The following DNAH12 variants were observed in gnomAD, a reference collection of about 807,000 sequenced individuals.
The protein encoded by DNAH12 is axonemal beta dynein heavy chain 12.
Under a neutral mutation model 371.5 loss-of-function variants are expected in DNAH12, and 285 were observed. The ratio of observed to expected loss-of-function variants is 0.77; its 90% CI spans 0.70 to 0.85. DNAH12 has a LOEUF of 0.85. Among genes scored for constraint, DNAH12 ranks in the 40% least tolerant of loss-of-function variants. The pLI is 0.00. For missense variants in DNAH12, 3,611 were observed against 3,689.4 expected (o/e 0.98, Z 0.55); for synonymous variants, 1,200 against 1,213.0 (o/e 0.99, Z 0.22).
the DNAH12 span, among the ~76,000 whole-genome samples, chr3:57,555,626 T>C: frequency 2.0e-5 from 3 of 152,224 alleles, no homozygotes; most frequent in Non-Finnish European, 4.4e-5. Context: ...GCAGGTAATA[T>C]CTCGGGACTC....
chr3:57,304,773 T>C (rs2061434339), intron 69 of DNAH12, among the ~76,000 whole-genome samples: 1 of 152,066 alleles, frequency 6.6e-6, no homozygotes, highest in Admixed American at 6.6e-5. Flanking sequence ...TCTCCGTGTC[T>C]CTACACCTTT....
chr3:57,411,057 G>C (rs868976857), intron 39 of DNAH12, among the ~76,000 whole-genome samples: 10 of 152,138 alleles, frequency 6.6e-5, no homozygotes, highest in Non-Finnish European at 1.5e-4. Context: ...TGGGAAGAAA[G>C]GAATGAAACT....
At position 57,384,833 on chromosome 3, in the gene DNAH12, A is replaced by C. The variant is rs2063469838; in HGVS notation, c.7856T>G (p.Leu2619Arg). 6.6e-6 allele frequency: 1 copy of C among 152,196 alleles called. No homozygotes were observed. The highest frequency in any genetic ancestry group is 6.5e-5 in the Admixed American group (1 of 15,280). The allele number at this position is 152,196 out of a possible 1,614,324, so 9.4% of individuals were successfully genotyped here. A position where few individuals can be genotyped will look rare whatever the true frequency, so the allele number is the denominator to read the frequency against. Residue 2619 changes from leucine to arginine, a missense_variant, in exon 49 of 74, where the codon CTT becomes CGT. Coordinates refer to ENST00000495027, the MANE Select transcript of DNAH12 (RefSeq NM_001366028.2). Reference sequence around the variant, plus strand: ...GTAGCTAATTCAAACACTTGCCTTAAGTGTATCCAGTGCAGACAGAGCTGC... The same window carrying C: ...GTAGCTAATTCAAACACTTGCCTTACGTGTATCCAGTGCAGACAGAGCTGC... ...LEAALSALDTLKPADITIVKS... is the reference protein window; with the variant it reads ...LEAALSALDTRKPADITIVKS...
chr3:57,467,551 C>A (rs534553811), intron 17 of DNAH12, among the ~76,000 whole-genome samples: 1 of 152,258 alleles, frequency 6.6e-6, no homozygotes, highest in East Asian at 1.9e-4. Context: ...TATAACCTCA[C>A]TTCAAAGTTT....
chr3:57,428,633 C>T lies in DNAH12; in HGVS notation c.5253G>A (p.Lys1751=). ...PSLNQRKKKC[K]ELIPTSNSNV... ...ATAGGTCAGAGAATTATAGGATTAC[C>T]TTGCATTTTTTCTTACGCTGGTTTA... The change falls in exon 34 of 74, where the codon AAG becomes AAA. Residue 1751 remains lysine (K), a splice_region_variant and synonymous_variant. Transcript: ENST00000495027. 6.5e-7 allele frequency: 1 copy of T among 1,528,396 alleles called. No individual in the cohort carries two copies. The highest frequency in any genetic ancestry group is 8.8e-7 in the Non-Finnish European group (1 of 1,140,078). The allele number at this position is 1,528,396 out of a possible 1,614,324, so 94.7% of individuals were successfully genotyped here.
Position 57,461,487 on chromosome 3 carries a change from A to G in DNAH12, c.2736+2T>C. 1.3e-6 allele frequency: 2 copies of G among 1,551,096 alleles called. No homozygotes were observed. The highest frequency in any genetic ancestry group is 1.2e-5 in the South Asian group (1 of 84,044). ...AAGAGCTGATTATCACATTTAACAT[A>G]CCTTGATCTCATGTTCAAATGGTTT... is the stretch of plus-strand genomic sequence containing the variant. On this transcript the variant is annotated splice_donor_variant, in intron 19 of 73. Coordinates refer to ENST00000495027, the MANE Select transcript of DNAH12 (RefSeq NM_001366028.2). LOFTEE classifies it high-confidence loss of function.
At chr3:57,449,241 C>T (rs1487620695) in intron 25 of DNAH12, among the ~76,000 whole-genome samples, 3 of 152,200 alleles carry the variant, frequency 2.0e-5, no homozygotes, top group African/African-American at 7.2e-5. Context: ...GACATAAAGA[C>T]TCTCCATGTC....
At chr3:57,468,598 C>G in intron 17 of DNAH12, 138 bp downstream of exon 17, 1 of 496,120 alleles carries the variant, frequency 2.0e-6, no homozygotes, top group East Asian at 4.3e-5. Context: ...TAGAGCAAGA[C>G]CCTGTCTCAA....
In DNAH12 at chr3:57,446,599, G is replaced by C. The variant is rs771908689; in HGVS notation, c.3877C>G (p.Leu1293Val). ...TTGAACACCACACACTGTACAGCAA[G>C]AGCTTTAGCCAAGTCCTTGGTGGTT... ...TETTKDLAKA[L>V]AVQCVVFNCS... The change falls in exon 26 of 74, where the codon CTT becomes GTT. Residue 1293 changes from leucine to valine, a missense_variant. Physicochemically the swap from Leu to Val is conservative, Grantham distance 32 (BLOSUM62 1). This residue lies in a region of DNAH12 where 2,266 missense variants were observed against 2,236.9 expected (regional missense o/e 1.01). Coordinates refer to ENST00000495027, the MANE Select transcript of DNAH12 (RefSeq NM_001366028.2). 4 of 1,550,734 alleles carry C rather than the reference G, an allele frequency of 2.6e-6. No homozygotes were observed. In the East Asian group the frequency reaches 7.3e-5, roughly 28 times the overall value.
At chr3:57,512,360 G>A (rs372358314) in intron 4 of DNAH12, 17 of 152,094 alleles carry the variant, frequency 1.1e-4, no homozygotes, top group East Asian at 7.7e-4. Context: ...GAAATGAGGA[G>A]TTGTTATTTA....
chr3:57,526,355 C>T (rs532441505), intron 2 of DNAH12, among the ~76,000 whole-genome samples: 21 of 152,092 alleles, frequency 1.4e-4, no homozygotes, highest in African/African-American at 4.8e-4. Flanking sequence ...AATGGTACTC[C>T]ATTATGTATA....
intron 4 of DNAH12, among the ~76,000 whole-genome samples, chr3:57,522,710 T>C (rs2153397986): frequency 6.6e-6 from 1 of 152,352 alleles, no homozygotes; most frequent in South Asian, 2.1e-4. Context: ...ACATGCTGCA[T>C]GATTTCCTCT....
intron 58 of DNAH12, 119 bp from the exon 59 acceptor site, chr3:57,357,467 T>C (rs2062826621): frequency 6.6e-6 from 1 of 152,098 alleles, no homozygotes. Flanking sequence ...TATATGAGTT[T>C]AAGTATGGTT....
chr3:57,442,840 AT>A (rs1202428670), intron 29 of DNAH12, among the ~76,000 whole-genome samples: 7 of 152,250 alleles, frequency 4.6e-5, no homozygotes, highest in South Asian at 2.1e-4. Flanking sequence ...AGACAAAAAA[AT>A]AAAGATGCCT....
chr3:57,488,797 G>A (rs2067020953), intron 12 of DNAH12, among the ~76,000 whole-genome samples: 1 of 152,136 alleles, frequency 6.6e-6, no homozygotes, highest in East Asian at 1.9e-4. Flanking sequence ...ATTGGATGAT[G>A]AATTGGTTGA....
intron 2 of DNAH12, among the ~76,000 whole-genome samples, chr3:57,527,937 C>G (rs1450741223): frequency 2.0e-5 from 3 of 152,136 alleles, no homozygotes; most frequent in Non-Finnish European, 4.4e-5. Context: ...GGGTATTACT[C>G]AAGAAATCTT....
At chr3:57,498,694 C>T (rs1225752289) in intron 11 of DNAH12, among the ~76,000 whole-genome samples, 17 of 152,098 alleles carry the variant, frequency 1.1e-4, no homozygotes, top group Non-Finnish European at 1.3e-4. Flanking sequence ...TGAAATACTA[C>T]TAAGCAATAA....
intron 58 of DNAH12, among the ~76,000 whole-genome samples, chr3:57,361,964 T>A (rs2062946516): frequency 6.6e-6 from 1 of 152,048 alleles, no homozygotes; most frequent in Non-Finnish European, 1.5e-5. Context: ...GCTGCACCCA[T>A]TAACTCGTCA....
intron 4 of DNAH12, among the ~76,000 whole-genome samples, chr3:57,522,627 G>C (rs2068491725): frequency 6.6e-6 from 1 of 152,148 alleles, no homozygotes; most frequent in South Asian, 2.1e-4. Context: ...CATAGAGGTT[G>C]AATTCACATC....
Sources: gnomAD v4.1 joint callset for allele counts (sites outside exome capture counted in the v4.1 genomes callset) on GRCh38, gnomAD v4.1.1 for gene constraint, gnomAD v4.1.1 regional missense constraint, MANE v1.5 for transcripts, NCBI Gene and HGNC (gene_info 2026-07-23, HGNC 2026-07-21) for gene names.